PTP4A1: variants seen among roughly 807,000 people sequenced by gnomAD.
PTP4A1 encodes the protein protein tyrosine phosphatase type IVA 1.
PTP4A1 carries 9 observed loss-of-function variants against 20.5 expected under a neutral mutation model. The ratio of observed to expected loss-of-function variants is 0.44; its 90% CI spans 0.26 to 0.77. The LOEUF is 0.77. Ranked by LOEUF, PTP4A1 falls within the 30% of genes least tolerant of loss-of-function variation. The pLI, the probability that PTP4A1 is intolerant of heterozygous loss-of-function variation, is 0.19. For missense variants in PTP4A1, 137 were observed against 218.8 expected (o/e 0.63, Z 2.36); for synonymous variants, 78 against 67.4 (o/e 1.16, Z -0.77).
intron 1 of PTP4A1, among the ~76,000 whole-genome samples, chr6:63,574,619 CAGG>C (rs1777732099): frequency 6.6e-6 from 1 of 152,038 alleles, no homozygotes; most frequent in South Asian, 2.1e-4. Context: ...TTGTAGCCGA[CAGG>C]AGTTTTAGCT....
At chr6:63,549,566 G>T in intron 2 of PTP4A1, 11 of 498,444 alleles carry the variant, frequency 2.2e-5, no homozygotes, top group Middle Eastern at 5.4e-4. Context: ...AAGATTTGAA[G>T]TTTTTTTTTT....
In PTP4A1 at chr6:63,581,642, C is replaced by G. The variant is rs1457981133; in HGVS notation, c.*1468C>G. 6.6e-6 allele frequency: 1 copy of G among 152,022 alleles called. No individual in the cohort carries two copies. The highest frequency in any genetic ancestry group is 1.5e-5 in the Non-Finnish European group (1 of 67,976). The allele number at this position is 152,022 out of a possible 1,614,324, so 9.4% of individuals were successfully genotyped here. A position where few individuals can be genotyped will look rare whatever the true frequency, so the allele number is the denominator to read the frequency against. ...AAAACTTTAATACTAAAAGCACTTTCCATTATATACTTTTTAAAGGTCTAG... is the reference window on the plus strand; with the variant it reads ...AAAACTTTAATACTAAAAGCACTTTGCATTATATACTTTTTAAAGGTCTAG... On this transcript the variant is annotated 3_prime_UTR_variant, in exon 6 of 6. Transcript: ENST00000626021.
intron 1 of PTP4A1, among the ~76,000 whole-genome samples, chr6:63,524,090 T>G (rs1479700201): frequency 6.6e-6 from 1 of 152,122 alleles, no homozygotes; most frequent in Non-Finnish European, 1.5e-5. Context: ...CAAGTGATTC[T>G]CCCCATGTCT....
chr6:63,548,818 T>C (rs1562120107), intron 2 of PTP4A1: 1 of 746,946 alleles, frequency 1.3e-6, no homozygotes, highest in East Asian at 2.5e-5. Context: ...CGGATCTCAT[T>C]GTATCTGTCA....
At chr6:63,551,575 T>C (rs533989364) in intron 3 of PTP4A1, among the ~76,000 whole-genome samples, 2 of 152,166 alleles carry the variant, frequency 1.3e-5, no homozygotes. Context: ...CTAGGGTACA[T>C]GTGCACAATG....
At chr6:63,569,567 C>G (rs916310039), upstream of PTP4A1, among the ~76,000 whole-genome samples, 4 of 152,222 alleles carry the variant, frequency 2.6e-5, no homozygotes, top group Non-Finnish European at 4.4e-5. Flanking sequence ...CCACCATGCT[C>G]AACTTCCTTA....
chr6:63,552,194 T>C (rs1776478397), intron 3 of PTP4A1, among the ~76,000 whole-genome samples: 1 of 152,176 alleles, frequency 6.6e-6, no homozygotes, highest in Non-Finnish European at 1.5e-5. Context: ...CCACATCCTC[T>C]CCAGCACCTG....
At chr6:63,538,403 T>C (rs1775810772) in intron 2 of PTP4A1, among the ~76,000 whole-genome samples, 1 of 152,228 alleles carries the variant, frequency 6.6e-6, no homozygotes, top group Non-Finnish European at 1.5e-5. Flanking sequence ...GATTTAGCAA[T>C]TGAATTATAA....
intron 3 of PTP4A1, among the ~76,000 whole-genome samples, chr6:63,555,892 C>T (rs1367833497): frequency 1.3e-5 from 2 of 152,044 alleles, no homozygotes; most frequent in Non-Finnish European, 2.9e-5. Context: ...CAGGGTTTCG[C>T]TATGTTGGCC....
At chr6:63,574,128 A>G (rs945678845) in intron 1 of PTP4A1, among the ~76,000 whole-genome samples, 1 of 152,212 alleles carries the variant, frequency 6.6e-6, no homozygotes, top group Non-Finnish European at 1.5e-5. Flanking sequence ...GTTGAAAACT[A>G]GAAAACTAAA....
chr6:63,580,225 T>A lies in PTP4A1; in HGVS notation c.*51T>A. ...AGTGGAACTTGAGATAGGGCCTAAT[T>A]TGTTATACATATTAGCCAACATGTT... On this transcript the variant is annotated 3_prime_UTR_variant, in exon 6 of 6. Coordinates refer to ENST00000626021, the MANE Select transcript of PTP4A1 (RefSeq NM_003463.5). The A allele has an allele frequency of 3.7e-6, 5 of 1,350,928 alleles. No individual in the cohort carries two copies. The highest frequency in any genetic ancestry group is 1.4e-5 in the African/African-American group (1 of 69,306). 83.7% of individuals were successfully genotyped at this position (1,350,928 alleles called of 1,614,324 possible). A position where few individuals can be genotyped will look rare whatever the true frequency, so the allele number is the denominator to read the frequency against.
At chr6:63,574,401 T>C (rs551117063) in intron 1 of PTP4A1, among the ~76,000 whole-genome samples, 32 of 152,242 alleles carry the variant, frequency 2.1e-4, no homozygotes, top group Middle Eastern at 3.4e-3. Context: ...GTTTTTCCTG[T>C]GGGTAGGAGA....
chr6:63,519,278 G>A (rs1443414338), upstream of PTP4A1, among the ~76,000 whole-genome samples: 1 of 152,088 alleles, frequency 6.6e-6, no homozygotes, highest in East Asian at 1.9e-4. Flanking sequence ...TTGCACTCCA[G>A]CCTGGGTGAC....
intron 2 of PTP4A1, among the ~76,000 whole-genome samples, chr6:63,541,052 A>G: frequency 6.7e-6 from 1 of 150,146 alleles, no homozygotes; most frequent in East Asian, 2.0e-4. Context: ...GAAGGAAGGA[A>G]GGAAGGGAGG....
At chr6:63,519,418 ATAGCT>A (rs1774844482), upstream of PTP4A1, among the ~76,000 whole-genome samples, 2 of 152,198 alleles carry the variant, frequency 1.3e-5, no homozygotes, top group Admixed American at 1.3e-4. Flanking sequence ...TCCTCTTTTC[ATAGCT>A]TTTTGGATTT....
In PTP4A1 at chr6:63,576,847, A is replaced by G. The variant is rs756313824; in HGVS notation, c.-34A>G. 5.9e-6 allele frequency: 9 copies of G among 1,536,536 alleles called. No individual in the cohort carries two copies. In the Admixed American group the frequency reaches 1.7e-4, roughly 29 times the overall value. On this transcript the variant is annotated 5_prime_UTR_variant, in exon 2 of 6. Coordinates refer to ENST00000626021, the MANE Select transcript of PTP4A1 (RefSeq NM_003463.5). ...TGTATTCAATTTTTTTAATTATTTC[A>G]TAACCCTATTGAGTGTTTTTTAACT... is the stretch of plus-strand genomic sequence containing the variant.
upstream of PTP4A1, among the ~76,000 whole-genome samples, chr6:63,517,965 C>T (rs1406499454): frequency 2.0e-5 from 3 of 152,022 alleles, no homozygotes; most frequent in Admixed American, 2.0e-4. Flanking sequence ...CGAGCCTGGC[C>T]AGCATGGTGA....
intron 3 of PTP4A1, among the ~76,000 whole-genome samples, chr6:63,557,522 C>T (rs1561908166): frequency 6.6e-6 from 1 of 152,080 alleles, no homozygotes; most frequent in Non-Finnish European, 1.5e-5. Flanking sequence ...GTCGAGATCG[C>T]ACCACTACAC....
intron 1 of PTP4A1, among the ~76,000 whole-genome samples, chr6:63,526,223 G>A (rs531536915): frequency 3.9e-4 from 60 of 152,134 alleles, no homozygotes; most frequent in African/African-American, 1.3e-3. Context: ...TACTCAGGAG[G>A]CTGAGTCAGG....
Sources: gnomAD v4.1 joint callset for allele counts (sites outside exome capture counted in the v4.1 genomes callset) on GRCh38, gnomAD v4.1.1 for gene constraint, MANE v1.5 for transcripts, NCBI Gene and HGNC (gene_info 2026-07-23, HGNC 2026-07-21) for gene names.